The following ZMYM2 variants were observed in gnomAD, a reference collection of about 807,000 sequenced individuals.
ZMYM2 encodes the protein zinc finger MYM-type containing 2.
Under a neutral mutation model 162.8 loss-of-function variants are expected in ZMYM2, and 56 were observed. The observed-to-expected ratio is 0.34, with a 90% CI of 0.28 to 0.43. The LOEUF (loss-of-function observed/expected upper bound fraction) is 0.43, where lower values mean the gene tolerates loss of function less well. Among genes scored for constraint, ZMYM2 ranks in the 20% least tolerant of loss-of-function variants. The pLI, the probability that ZMYM2 is intolerant of heterozygous loss-of-function variation, is 1.00. For synonymous variants in ZMYM2, 510 were observed against 541.6 expected (o/e 0.94, Z 0.81); for missense variants, 1,275 against 1,621.8 (o/e 0.79, Z 3.67).
chr13:19,905,610 G>A, the ZMYM2 span, among the ~76,000 whole-genome samples: 1 of 152,056 alleles, frequency 6.6e-6, no homozygotes, highest in Non-Finnish European at 1.5e-5. Flanking sequence ...ATTCTCACTA[G>A]CCAACCCTAA....
At chr13:20,077,745 G>A (rs1957607417) in intron 21 of ZMYM2, among the ~76,000 whole-genome samples, 1 of 152,136 alleles carries the variant, frequency 6.6e-6, no homozygotes, top group Non-Finnish European at 1.5e-5. Flanking sequence ...GCTGAGGGCT[G>A]CGGTAAGTAA....
At chr13:19,913,665 C>T in the ZMYM2 span, among the ~76,000 whole-genome samples, 6 of 152,186 alleles carry the variant, frequency 3.9e-5, no homozygotes, top group African/African-American at 1.4e-4. Context: ...GCGGAGGCTG[C>T]AGTAAGCCAA....
At chr13:19,957,296 T>A (rs1194690768), upstream of ZMYM2, among the ~76,000 whole-genome samples, 1 of 152,218 alleles carries the variant, frequency 6.6e-6, no homozygotes, top group African/African-American at 2.4e-5. Context: ...AACTGTATTA[T>A]CATATATGTT....
At position 20,033,702 on chromosome 13, in the gene ZMYM2, C is replaced by A. The variant is rs1349874872; in HGVS notation, c.1969-552C>A. Among the ~76,000 whole-genome samples the A allele has an allele frequency of 3.3e-5, 5 of 152,188 alleles. 1 individual carries two copies. In the South Asian group the frequency reaches 8.3e-4, roughly 25 times the overall value. On this transcript the variant is annotated intron_variant, in intron 10 of 24. Transcript: ENST00000610343. ...TAGCTCTGGCTATTGTGGGTTTGGG[C>A]CCAGGAGAAACAAATTATTACTAAT...
the ZMYM2 span, among the ~76,000 whole-genome samples, chr13:19,891,766 G>T: frequency 6.6e-6 from 1 of 151,778 alleles, no homozygotes; most frequent in African/African-American, 2.4e-5. Context: ...AACAGCTCAA[G>T]ATCCTCCCTC....
At chr13:19,884,848 C>T in the ZMYM2 span, among the ~76,000 whole-genome samples, 1,276 of 152,230 alleles carry the variant, frequency 8.4e-3, 21 homozygotes, top group African/African-American at 0.028. Flanking sequence ...AAAACCTGAG[C>T]ACATCACAAT....
At chr13:19,944,460 A>G in the ZMYM2 span, among the ~76,000 whole-genome samples, 1 of 152,220 alleles carries the variant, frequency 6.6e-6, no homozygotes, top group Admixed American at 6.5e-5. Context: ...ATGTGAACTC[A>G]GCTTTAAGAT....
At chr13:19,968,427 T>A (rs1956005179) in intron 2 of ZMYM2, among the ~76,000 whole-genome samples, 1 of 152,042 alleles carries the variant, frequency 6.6e-6, no homozygotes, top group African/African-American at 2.4e-5. Context: ...CCCTGGCTAA[T>A]TTTTTTGTAT....
At chr13:19,881,980 C>CAAAA in the ZMYM2 span, among the ~76,000 whole-genome samples, 32 of 121,730 alleles carry the variant, frequency 2.6e-4, no homozygotes, top group African/African-American at 9.1e-4. Flanking sequence ...ACTCTGTATC[C>CAAAA]AAAAAAAAAA....
chr13:19,919,639 T>C, the ZMYM2 span, among the ~76,000 whole-genome samples: 1 of 152,038 alleles, frequency 6.6e-6, no homozygotes, highest in Non-Finnish European at 1.5e-5. Context: ...TCCATGTATT[T>C]TCTTTGGTGA....
chr13:19,930,530 C>T, the ZMYM2 span, among the ~76,000 whole-genome samples: 1 of 151,314 alleles, frequency 6.6e-6, no homozygotes, highest in Admixed American at 6.6e-5. Context: ...ATGTTTGTCC[C>T]TCTTATTTAT....
chr13:19,971,257 T>TATATATATATATATATATATATAG (rs1956300368), intron 2 of ZMYM2, among the ~76,000 whole-genome samples: 1 of 107,610 alleles, frequency 9.3e-6, no homozygotes, highest in African/African-American at 3.2e-5. Flanking sequence ...TATATATATA[T>TATATATATATATATATATATATAG]ATATATTTTT....
At chr13:20,016,356 T>A (rs542308261) in intron 6 of ZMYM2, among the ~76,000 whole-genome samples, 71 of 152,302 alleles carry the variant, frequency 4.7e-4, no homozygotes, top group African/African-American at 1.6e-3. Context: ...TTTACAATTT[T>A]GTGTGCATAT....
chr13:20,010,188 T>C (rs1951058315), intron 6 of ZMYM2, among the ~76,000 whole-genome samples: 1 of 152,082 alleles, frequency 6.6e-6, no homozygotes, highest in African/African-American at 2.4e-5. Flanking sequence ...CAATTTTTCT[T>C]TGTTGTTGTT....
the ZMYM2 span, among the ~76,000 whole-genome samples, chr13:19,903,393 A>G: frequency 1.3e-5 from 2 of 150,902 alleles, no homozygotes; most frequent in Non-Finnish European, 2.9e-5. Flanking sequence ...TAATTTCAGA[A>G]CTTTGGGAGG....
the ZMYM2 span, among the ~76,000 whole-genome samples, chr13:19,950,706 T>C: frequency 6.6e-6 from 1 of 152,252 alleles, no homozygotes; most frequent in Admixed American, 6.5e-5. Context: ...TCAATTAAAC[T>C]GTTAAATTTA....
At chr13:19,929,515 T>C in the ZMYM2 span, among the ~76,000 whole-genome samples, 1 of 152,068 alleles carries the variant, frequency 6.6e-6, no homozygotes, top group East Asian at 1.9e-4. Flanking sequence ...CGGGATTACA[T>C]GCGTGAGCCA....
chr13:19,922,196 T>C, the ZMYM2 span, among the ~76,000 whole-genome samples: 1 of 152,042 alleles, frequency 6.6e-6, no homozygotes, highest in Non-Finnish European at 1.5e-5. Flanking sequence ...ATTATAGGCG[T>C]GAGCCACCAG....
intron 2 of ZMYM2, among the ~76,000 whole-genome samples, chr13:19,986,524 T>G (rs1003342454): frequency 1.3e-5 from 2 of 152,264 alleles, no homozygotes; most frequent in South Asian, 4.1e-4. Flanking sequence ...AAATAAGATA[T>G]ACTAAGGAGA....
Sources: allele counts gnomAD v4.1 joint callset (sites outside exome capture counted in the v4.1 genomes callset), GRCh38; gene constraint gnomAD v4.1.1; transcripts MANE v1.5; gene names NCBI Gene and HGNC (gene_info 2026-07-23, HGNC 2026-07-21).